The following FUT8 variants were observed in gnomAD, a reference collection of about 807,000 sequenced individuals.
FUT8 encodes alpha-(1,6)-fucosyltransferase.
In FUT8, 29 loss-of-function variants were observed where a neutral mutation model predicts 71.3. The observed-to-expected ratio is 0.41, with a 90% CI of 0.30 to 0.55. The LOEUF (loss-of-function observed/expected upper bound fraction) is 0.55. Among genes scored for constraint, FUT8 ranks in the 20% least tolerant of loss-of-function variants. The pLI, the probability that FUT8 is intolerant of heterozygous loss-of-function variation, is 0.34. For missense variants in FUT8, 544 were observed against 702.1 expected (o/e 0.77, Z 2.55); for synonymous variants, 254 against 239.3 (o/e 1.06, Z -0.57).
chr14:65,679,887 T>C (rs560453536), intron 7 of FUT8, among the ~76,000 whole-genome samples: 4 of 152,270 alleles, frequency 2.6e-5, no homozygotes, highest in African/African-American at 7.2e-5. Flanking sequence ...TTTGTAAATA[T>C]GGTTTCATTA....
chr14:65,364,276 C>G, the FUT8 span, among the ~76,000 whole-genome samples: 1 of 149,820 alleles, frequency 6.7e-6, no homozygotes, highest in South Asian at 2.1e-4. Context: ...GAGATCTCGG[C>G]TTACTGCAAC....
upstream of FUT8, chr14:65,411,341 A>T (rs1262477841): frequency 2.6e-5 from 4 of 152,328 alleles, no homozygotes; most frequent in Admixed American, 6.5e-5. Context: ...ACAGCACTTC[A>T]TAGAGTGCTT....
At chr14:65,581,682 G>A (rs1027581445) in intron 3 of FUT8, among the ~76,000 whole-genome samples, 4 of 151,980 alleles carry the variant, frequency 2.6e-5, no homozygotes, top group South Asian at 4.1e-4. Flanking sequence ...CATTCCAGTC[G>A]TGTCCAGTTA....
chr14:65,575,268 CTCT>C (rs1292755445), intron 3 of FUT8, among the ~76,000 whole-genome samples: 1 of 151,754 alleles, frequency 6.6e-6, no homozygotes, highest in Non-Finnish European at 1.5e-5. Flanking sequence ...TTTTCTTTCT[CTCT>C]TCTTCCAATT....
chr14:65,671,844 T>C (rs1264059081), intron 7 of FUT8, among the ~76,000 whole-genome samples: 2 of 152,124 alleles, frequency 1.3e-5, no homozygotes, highest in East Asian at 1.9e-4. Flanking sequence ...TTAGAGGAAA[T>C]AGTGAATTTT....
Position 65,443,536 on chromosome 14 carries a change from A to G in FUT8, c.-325-12085A>G, listed in dbSNP as rs565805722. 2.6e-5 allele frequency among the ~76,000 whole-genome samples: 4 copies of G among 152,052 alleles called. No homozygotes were observed. In the East Asian group the frequency reaches 7.7e-4, roughly 29 times the overall value. On this transcript the variant is annotated intron_variant, in intron 1 of 10. Coordinates refer to ENST00000673929, the MANE Select transcript of FUT8 (RefSeq NM_001371533.1). Reference sequence around the variant, plus strand: ...GGAGTTTGAGACCAGCCTGGGCAACATAGCAAGATCCCATCTCTACAGAAA... The same window carrying G: ...GGAGTTTGAGACCAGCCTGGGCAACGTAGCAAGATCCCATCTCTACAGAAA...
chr14:65,692,401 G>C (rs1594902630), intron 7 of FUT8, among the ~76,000 whole-genome samples: 3 of 134,532 alleles, frequency 2.2e-5, no homozygotes, highest in African/African-American at 8.2e-5. Context: ...CTGGCCGGGC[G>C]GGGGGCTGAC....
Position 65,707,396 on chromosome 14 carries a change from A to G in FUT8, c.836-14379A>G, listed in dbSNP as rs1894604655. Among the ~76,000 whole-genome samples the G allele has an allele frequency of 2.0e-5, 3 of 152,264 alleles. No homozygotes were observed. In the South Asian group the frequency reaches 6.2e-4, roughly 32 times the overall value. On this transcript the variant is annotated intron_variant, in intron 7 of 10. Transcript: ENST00000673929. ...GTTTGAGTTGCTTATTATTATAGAT[A>G]TTAGCCCTTTGTTGGGTGTATGGCT...
intron 7 of FUT8, among the ~76,000 whole-genome samples, chr14:65,709,737 C>A (rs1465187968): frequency 1.3e-5 from 2 of 152,110 alleles, no homozygotes; most frequent in Non-Finnish European, 2.9e-5. Flanking sequence ...GCACTTGGAA[C>A]AAAATCAATG....
In FUT8 at chr14:65,627,620, TGTTTACTGAA is replaced by T. The variant is rs945715858; in HGVS notation, c.483-1868_483-1859del. 4.6e-5 allele frequency among the ~76,000 whole-genome samples: 7 copies of T among 152,238 alleles called. No homozygotes were observed. Among genetic ancestry groups the T allele is most frequent in the African/African-American group, 1.7e-4 (7 of 41,464 alleles). On this transcript the variant is annotated intron_variant, in intron 5 of 10. Transcript: ENST00000673929. The surrounding 1 kb of genome is among the most constrained non-coding windows in gnomAD (Gnocchi z 4.0). ...CTTGGGAGGGATCGCATATGCAGTG[TGTTTACTGAA>T]GTTGTGCACATGCTCATTTGAGGCT...
chr14:65,558,816 A>G (rs567574800), intron 2 of FUT8, among the ~76,000 whole-genome samples: 6 of 152,338 alleles, frequency 3.9e-5, no homozygotes, highest in African/African-American at 1.4e-4. Flanking sequence ...TTTAAAAAAT[A>G]CTGGCAAAGA....
chr14:65,572,702 A>G (rs1886548214), intron 3 of FUT8, among the ~76,000 whole-genome samples: 1 of 152,190 alleles, frequency 6.6e-6, no homozygotes, highest in Non-Finnish European at 1.5e-5. Context: ...GAAAATTATC[A>G]GCGATAAAGA....
chr14:65,419,735 G>C (rs1443674603), intron 1 of FUT8, among the ~76,000 whole-genome samples: 1 of 152,146 alleles, frequency 6.6e-6, no homozygotes, highest in Non-Finnish European at 1.5e-5. Flanking sequence ...CTCTTAGGAA[G>C]TTTAGTGAAA....
chr14:65,626,145 GGTA>G (rs1026576109), intron 5 of FUT8, among the ~76,000 whole-genome samples: 3 of 151,444 alleles, frequency 2.0e-5, no homozygotes, highest in Admixed American at 6.6e-5. Flanking sequence ...CCTTCCTCTT[GGTA>G]GTAGAATTAT....
At chr14:65,471,531 T>G (rs1271571407) in intron 2 of FUT8, among the ~76,000 whole-genome samples, 1 of 152,034 alleles carries the variant, frequency 6.6e-6, no homozygotes, top group Admixed American at 6.5e-5. Flanking sequence ...ACTGGTCCCC[T>G]TACAGTTTTT....
the FUT8 span, among the ~76,000 whole-genome samples, chr14:65,386,250 T>G: frequency 6.6e-6 from 1 of 151,694 alleles, no homozygotes; most frequent in Non-Finnish European, 1.5e-5. Context: ...GAACTTGCAG[T>G]GAGTCGAGAT....
At chr14:65,599,823 T>C (rs1000857481) in intron 3 of FUT8, among the ~76,000 whole-genome samples, 2 of 152,356 alleles carry the variant, frequency 1.3e-5, no homozygotes, top group East Asian at 1.9e-4. Context: ...CATTAACTAC[T>C]TTCTTTATTT....
At chr14:65,431,148 A>G (rs956790201) in intron 1 of FUT8, among the ~76,000 whole-genome samples, 12 of 148,652 alleles carry the variant, frequency 8.1e-5, no homozygotes, top group Admixed American at 5.4e-4. Flanking sequence ...GGCATGCGCC[A>G]CTATACCCGG....
chr14:65,395,898 A>G, the FUT8 span, among the ~76,000 whole-genome samples: 1 of 152,248 alleles, frequency 6.6e-6, no homozygotes, highest in Non-Finnish European at 1.5e-5. Flanking sequence ...TAACATCACC[A>G]AAGTATCTCT....
Sources: gnomAD v4.1 joint callset for allele counts (sites outside exome capture counted in the v4.1 genomes callset) on GRCh38, gnomAD v4.1.1 for gene constraint, Gnocchi (gnomAD v3.1) non-coding constraint, MANE v1.5 for transcripts, NCBI Gene and HGNC (gene_info 2026-07-23, HGNC 2026-07-21) for gene names.